The following CPNE4 variants were observed in gnomAD, a reference collection of about 807,000 sequenced individuals.
CPNE4 encodes the protein copine 4.
A neutral mutation model predicts 67.9 loss-of-function variants in CPNE4; 25 were observed. The observed-to-expected ratio is 0.37, with a 90% CI of 0.27 to 0.51. CPNE4 has a LOEUF of 0.51. Among genes scored for constraint, CPNE4 ranks in the 20% least tolerant of loss-of-function variants. The pLI, the probability that CPNE4 is intolerant of heterozygous loss-of-function variation, is 0.93. For missense variants in CPNE4, 464 were observed against 690.8 expected, an observed-to-expected ratio of 0.67 and a Z score of 3.68; for synonymous variants, 242 against 244.9, an observed-to-expected ratio of 0.99 and a Z score of 0.11.
intron 1 of CPNE4, among the ~76,000 whole-genome samples, chr3:131,933,067 A>C (rs1181102950): frequency 6.6e-6 from 1 of 152,158 alleles, no homozygotes; most frequent in Non-Finnish European, 1.5e-5. Flanking sequence ...CACTGAGAAC[A>C]GGAGGAATGT....
At chr3:131,996,412 A>G (rs1194969692) in intron 1 of CPNE4, among the ~76,000 whole-genome samples, 1 of 152,036 alleles carries the variant, frequency 6.6e-6, no homozygotes, top group Non-Finnish European at 1.5e-5. Flanking sequence ...GAAAAGAGTC[A>G]TTGCCCACAG....
Position 131,644,730 on chromosome 3 carries a change from G to A in CPNE4, c.681+24945C>T, listed in dbSNP as rs188345985. ...TCAAGCAAGTCAGTGTCATCCTCTG[G>A]GACTTACAGGAATGGAAAAGGTCTA... On this transcript the variant is annotated intron_variant, in intron 7 of 15. Coordinates refer to ENST00000429747, the MANE Select transcript of CPNE4 (RefSeq NM_130808.3). Among the ~76,000 whole-genome samples the A allele has an allele frequency of 3.6e-3, 552 of 152,128 alleles. 4 individuals are homozygous for A. Among genetic ancestry groups the A allele is most frequent in the African/African-American group, 0.012 (504 of 41,498 alleles).
intron 2 of CPNE4, among the ~76,000 whole-genome samples, chr3:131,752,805 GT>G: frequency 6.6e-6 from 1 of 152,170 alleles, no homozygotes; most frequent in South Asian, 2.1e-4. Flanking sequence ...AAAATTTTAT[GT>G]CATGATATGA....
At chr3:131,914,580 T>G (rs2089111834) in intron 1 of CPNE4, among the ~76,000 whole-genome samples, 1 of 152,184 alleles carries the variant, frequency 6.6e-6, no homozygotes, top group African/African-American at 2.4e-5. Flanking sequence ...ATTTTGGCAG[T>G]ACAAACACTG....
At chr3:131,688,612 CAG>C (rs2080954838) in intron 5 of CPNE4, among the ~76,000 whole-genome samples, 3 of 152,276 alleles carry the variant, frequency 2.0e-5, no homozygotes, top group South Asian at 4.2e-4. Context: ...GTTGGTCCCT[CAG>C]GGGATGTTTT....
intron 1 of CPNE4, among the ~76,000 whole-genome samples, chr3:131,980,717 G>T (rs1026175589): frequency 3.3e-5 from 5 of 151,964 alleles, no homozygotes; most frequent in Non-Finnish European, 7.4e-5. Flanking sequence ...ATTTCTTCTT[G>T]GTTTGGTTCC....
At chr3:131,695,323 C>T (rs1386865711) in intron 5 of CPNE4, among the ~76,000 whole-genome samples, 2 of 152,178 alleles carry the variant, frequency 1.3e-5, no homozygotes, top group South Asian at 4.1e-4. Flanking sequence ...ACTGTAAGTG[C>T]TGCAGGGGGC....
chr3:131,632,519 A>G (rs2079256292), intron 7 of CPNE4, among the ~76,000 whole-genome samples: 1 of 152,134 alleles, frequency 6.6e-6, no homozygotes, highest in Non-Finnish European at 1.5e-5. Context: ...GGTAAATTCA[A>G]AGAGCAATTT....
intron 2 of CPNE4, among the ~76,000 whole-genome samples, chr3:131,766,980 G>A (rs2083034642): frequency 6.6e-6 from 1 of 152,164 alleles, no homozygotes; most frequent in South Asian, 2.1e-4. Context: ...ATGGAGACAG[G>A]AAAGGAATAG....
intron 1 of CPNE4, among the ~76,000 whole-genome samples, chr3:131,931,000 G>T (rs528617158): frequency 6.6e-6 from 1 of 152,198 alleles, no homozygotes; most frequent in Non-Finnish European, 1.5e-5. Context: ...GATGGTAAGG[G>T]TGTTGATCAG....
chr3:131,543,860 G>T (rs1206258881), intron 14 of CPNE4, among the ~76,000 whole-genome samples: 1 of 152,208 alleles, frequency 6.6e-6, no homozygotes, highest in Non-Finnish European at 1.5e-5. Context: ...GCAGAAGGTT[G>T]CAGTGCTCCC....
intron 6 of CPNE4, among the ~76,000 whole-genome samples, chr3:131,679,338 A>G (rs1465532103): frequency 6.6e-6 from 1 of 151,358 alleles, no homozygotes; most frequent in African/African-American, 2.4e-5. Context: ...CTTTATTAGT[A>G]TAGCTAGTGG....
intron 7 of CPNE4, among the ~76,000 whole-genome samples, chr3:131,589,559 T>C (rs1159260885): frequency 6.6e-6 from 1 of 152,162 alleles, no homozygotes; most frequent in Non-Finnish European, 1.5e-5. Flanking sequence ...CTCAGAGACA[T>C]ACCCAGAAAC....
At chr3:131,615,891 TCACACACACACACA>T (rs746630965) in intron 7 of CPNE4, among the ~76,000 whole-genome samples, 19 of 107,816 alleles carry the variant, frequency 1.8e-4, no homozygotes, top group African/African-American at 8.2e-4. Flanking sequence ...TCTCTCTCTC[TCACACACACACACA>T]CACACACACA....
At position 131,556,770 on chromosome 3, in the gene CPNE4, C is replaced by G. The variant is rs575455240; in HGVS notation, c.1062-1219G>C. On this transcript the variant is annotated intron_variant, in intron 11 of 15. Coordinates refer to ENST00000429747, the MANE Select transcript of CPNE4 (RefSeq NM_130808.3). ...TTATCTTATGCACACTGGAGTTTCTCTCTTAATTATGCATTCACATATATT... is the reference window on the plus strand; with the variant it reads ...TTATCTTATGCACACTGGAGTTTCTGTCTTAATTATGCATTCACATATATT... Among the ~76,000 whole-genome samples the G allele has an allele frequency of 1.5e-4, 23 of 152,224 alleles. No individual in the cohort carries two copies. The South Asian group carries it at 4.8e-3, about 32-fold the overall frequency.
At chr3:132,004,577 TA>T (rs1306242753) in intron 1 of CPNE4, among the ~76,000 whole-genome samples, 6 of 151,810 alleles carry the variant, frequency 4.0e-5, no homozygotes, top group African/African-American at 1.4e-4. Context: ...ACACTGACAT[TA>T]AAAAAAAGCA....
chr3:131,959,444 G>C (rs2072100932), intron 1 of CPNE4, among the ~76,000 whole-genome samples: 1 of 152,114 alleles, frequency 6.6e-6, no homozygotes, highest in Middle Eastern at 3.2e-3. Flanking sequence ...TTCAAACACT[G>C]TACTTTCAGA....
At chr3:131,830,528 G>T (rs1445703937) in intron 2 of CPNE4, among the ~76,000 whole-genome samples, 2 of 152,060 alleles carry the variant, frequency 1.3e-5, no homozygotes, top group Non-Finnish European at 2.9e-5. Context: ...GACTGTGCTT[G>T]TACTTTCCTC....
chr3:131,900,143 G>C (rs542142801), intron 2 of CPNE4, among the ~76,000 whole-genome samples: 1 of 151,598 alleles, frequency 6.6e-6, no homozygotes, highest in East Asian at 1.9e-4. Context: ...AACTCTACAG[G>C]AAAAAAAATC....
Sources: allele counts gnomAD v4.1 joint callset (sites outside exome capture counted in the v4.1 genomes callset), GRCh38; gene constraint gnomAD v4.1.1; transcripts MANE v1.5; gene names NCBI Gene and HGNC (gene_info 2026-07-23, HGNC 2026-07-21).